SEC23A: variants seen among roughly 807,000 people sequenced by gnomAD.
SEC23A encodes SEC23 homolog A, COPII component, also known as protein transport protein Sec23A.
In SEC23A, 56 loss-of-function variants were observed where a neutral mutation model predicts 103.7. The ratio of observed to expected loss-of-function variants is 0.54; its 90% CI spans 0.44 to 0.67. The LOEUF (loss-of-function observed/expected upper bound fraction) is 0.67, where lower values mean the gene tolerates loss of function less well. SEC23A is among the 30% of genes least tolerant of loss of function. The pLI, the probability that SEC23A is intolerant of heterozygous loss-of-function variation, is 0.00. For synonymous variants in SEC23A, 281 were observed against 293.0 expected (o/e 0.96, Z 0.42); for missense variants, 784 against 936.4 (o/e 0.84, Z 2.12).
At chr14:39,094,829 GA>G (rs1887831702) in intron 2 of SEC23A, 1 of 588,828 alleles carries the variant, frequency 1.7e-6, no homozygotes, top group Non-Finnish European at 3.0e-6. Flanking sequence ...TTATGTAGAT[GA>G]GAATAAGGAA....
At chr14:39,085,466 G>A (rs529380025) in intron 7 of SEC23A, among the ~76,000 whole-genome samples, 1 of 152,252 alleles carries the variant, frequency 6.6e-6, no homozygotes, top group East Asian at 1.9e-4. Context: ...TTAAGTGGGG[G>A]CAGTCTTGTG....
At chr14:39,062,678 T>C (rs942014635) in intron 12 of SEC23A, among the ~76,000 whole-genome samples, 9 of 152,156 alleles carry the variant, frequency 5.9e-5, no homozygotes, top group Non-Finnish European at 1.3e-4. Flanking sequence ...TGTTGTTTTG[T>C]TTTTGTCAAT....
intron 2 of SEC23A, 55 bp downstream of exon 2, chr14:39,095,843 C>T: frequency 7.4e-7 from 1 of 1,348,368 alleles, no homozygotes; most frequent in East Asian, 2.4e-5. Context: ...TGCAGAAAAA[C>T]CCCGACATTT....
chr14:39,072,790 G>GT (rs1341746877), intron 9 of SEC23A, among the ~76,000 whole-genome samples: 1 of 152,148 alleles, frequency 6.6e-6, no homozygotes, highest in Non-Finnish European at 1.5e-5. Context: ...TCCAGCCTCA[G>GT]TAACAGAGAA....
At position 39,065,997 on chromosome 14, in the gene SEC23A, C is replaced by CAAAAAAAAAAAAAA. The variant is rs59260008; in HGVS notation, c.1228-1018_1228-1005dup. ...GGGCAATAAGAGCGAAACTCCATCT[C>CAAAAAAAAAAAAAA]AAAAAAAAAAAAAAAAAAAAAAAAA... On this transcript the variant is annotated intron_variant, in intron 10 of 19. Coordinates refer to ENST00000307712, the MANE Select transcript of SEC23A (RefSeq NM_006364.4). Among the ~76,000 whole-genome samples the CAAAAAAAAAAAAAA allele has an allele frequency of 7.8e-4, 63 of 80,484 alleles. 1 individual carries two copies. The highest frequency in any genetic ancestry group is 2.2e-3 in the South Asian group (5 of 2,260). 52.8% of individuals were successfully genotyped at this position (80,484 alleles called of 152,430 possible).
chr14:39,092,766 C>CT, intron 3 of SEC23A, 139 bp from the exon 4 acceptor site: 2 of 608,486 alleles, frequency 3.3e-6, no homozygotes, highest in Non-Finnish European at 2.9e-6. Context: ...TTATTTGTAT[C>CT]TTTTTTTAAA....
At chr14:39,052,034 T>A (rs1246793918) in intron 14 of SEC23A, among the ~76,000 whole-genome samples, 1 of 151,588 alleles carries the variant, frequency 6.6e-6, no homozygotes, top group African/African-American at 2.4e-5. Context: ...GAAGCCATTA[T>A]CCTCAGCAAA....
intron 19 of SEC23A, among the ~76,000 whole-genome samples, chr14:39,036,580 T>C (rs1566477794): frequency 6.6e-6 from 1 of 152,114 alleles, no homozygotes; most frequent in Non-Finnish European, 1.5e-5. Flanking sequence ...CTAAAAACCT[T>C]TCTGTCTTCA....
intron 7 of SEC23A, among the ~76,000 whole-genome samples, chr14:39,076,813 C>T (rs1011589973): frequency 1.3e-5 from 2 of 151,258 alleles, no homozygotes; most frequent in Non-Finnish European, 3.0e-5. Context: ...TATAGTCCCA[C>T]CTACTCGGGA....
chr14:39,080,498 C>T (rs976316951), intron 7 of SEC23A, among the ~76,000 whole-genome samples: 3 of 152,124 alleles, frequency 2.0e-5, no homozygotes, highest in Non-Finnish European at 4.4e-5. Flanking sequence ...CCTCTGTCCA[C>T]GGGTTCAAGC....
intron 11 of SEC23A, 178 bp downstream of exon 11, chr14:39,064,732 CTTT>C (rs886511255): frequency 3.2e-6 from 2 of 623,554 alleles, no homozygotes; most frequent in East Asian, 2.8e-5. Flanking sequence ...TTCGCTGTGT[CTTT>C]TTTTCTTTTT....
chr14:39,071,375 C>T (rs1282828411), intron 9 of SEC23A, among the ~76,000 whole-genome samples: 1 of 152,012 alleles, frequency 6.6e-6, no homozygotes, highest in Non-Finnish European at 1.5e-5. Context: ...CCAAGACGGG[C>T]AGATAACTTG....
chr14:39,063,303 T>C lies in SEC23A; in HGVS notation c.1398+21A>G, dbSNP rs1594455889. The C allele has an allele frequency of 2.1e-6, 3 of 1,409,566 alleles. No homozygotes were observed. In the Admixed American group the frequency reaches 5.0e-5, roughly 24 times the overall value. 87.3% of individuals were successfully genotyped at this position (1,409,566 alleles called of 1,614,324 possible). ...CAAATGTACGTTGTACGTTTTGATA[T>C]TCAGATGTAGAAAGTCATACCTGAT... On this transcript the variant is annotated intron_variant, in intron 12 of 19. Transcript: ENST00000307712.
At position 39,068,338 on chromosome 14, in the gene SEC23A, A is replaced by G. The variant is rs187331616; in HGVS notation, c.1104-1042T>C. 3.4e-3 allele frequency among the ~76,000 whole-genome samples: 520 copies of G among 152,230 alleles called. 6 individuals are homozygous for G. The highest frequency in any genetic ancestry group is 0.012 in the African/African-American group (501 of 41,532). ...CAGAGTAACTTGATAATATCTAACA[A>G]AATTATATATGGATTTCCTCCTTAA... is the stretch of plus-strand genomic sequence containing the variant. On this transcript the variant is annotated intron_variant, in intron 9 of 19. Coordinates refer to ENST00000307712, the MANE Select transcript of SEC23A (RefSeq NM_006364.4).
intron 19 of SEC23A, among the ~76,000 whole-genome samples, chr14:39,036,592 C>T (rs1304338656): frequency 6.6e-6 from 1 of 152,030 alleles, no homozygotes; most frequent in Non-Finnish European, 1.5e-5. Flanking sequence ...CTGTCTTCAC[C>T]CTTCTTACCT....
intron 17 of SEC23A, 151 bp downstream of exon 17, chr14:39,042,635 T>C (rs1885685012): frequency 9.9e-6 from 6 of 606,276 alleles, no homozygotes; most frequent in Non-Finnish European, 1.8e-5. Flanking sequence ...CCTAAAACCT[T>C]ATAGTAGGCA....
At position 39,086,974 on chromosome 14, in the gene SEC23A, T is replaced by C; in HGVS notation, c.638A>G (p.Gln213Arg). The C allele has an allele frequency of 1.3e-6, 2 of 1,595,582 alleles. No individual in the cohort carries two copies. The highest frequency in any genetic ancestry group is 1.7e-6 in the Non-Finnish European group (2 of 1,163,052). ...MLGLSKVPLT[Q>R]ATRGPQVQQP... is the part of the protein sequence containing the mutation. ...CTGTACCTGAGGACCACGTGTTGCT[T>C]GAGTAAGTGGTACTTTAGAGAGCCC... Residue 213 changes from glutamine to arginine, a missense_variant, in exon 6 of 20, where the codon CAA becomes CGA. This residue lies in a region of SEC23A where 683 missense variants were observed against 774.2 expected (regional missense o/e 0.88). Coordinates refer to ENST00000307712, the MANE Select transcript of SEC23A (RefSeq NM_006364.4).
chr14:39,096,695 G>C (rs1887904779), intron 1 of SEC23A, among the ~76,000 whole-genome samples: 1 of 152,120 alleles, frequency 6.6e-6, no homozygotes, highest in Non-Finnish European at 1.5e-5. Flanking sequence ...AAAAAATAGT[G>C]TCTTATTTCT....
intron 9 of SEC23A, 64 bp from the exon 10 acceptor site, chr14:39,067,360 G>A (rs1240990005): frequency 9.1e-5 from 144 of 1,584,540 alleles, no homozygotes; most frequent in Non-Finnish European, 1.1e-4. Flanking sequence ...TGTTAAAATC[G>A]TAGAAGAAAA....
Sources: gnomAD v4.1 joint callset for allele counts (sites outside exome capture counted in the v4.1 genomes callset) on GRCh38, gnomAD v4.1.1 for gene constraint, gnomAD v4.1.1 regional missense constraint, MANE v1.5 for transcripts, NCBI Gene and HGNC (gene_info 2026-07-23, HGNC 2026-07-21) for gene names.